PTPRK: variants seen among roughly 807,000 people sequenced by gnomAD.
PTPRK encodes receptor-type tyrosine-protein phosphatase kappa.
In PTPRK, 75 loss-of-function variants were observed where a neutral mutation model predicts 178.0. That is an observed-to-expected ratio of 0.42 (90% CI 0.35 to 0.51). PTPRK has a LOEUF of 0.51. Among genes scored for constraint, PTPRK ranks in the 20% least tolerant of loss-of-function variants. The pLI is 0.02. For missense variants in PTPRK, 1,441 were observed against 1,797.8 expected (o/e 0.80, Z 3.59); for synonymous variants, 637 against 620.6 (o/e 1.03, Z -0.39).
chr6:127,971,074 G>A (rs761412594), intron 29 of PTPRK, among the ~76,000 whole-genome samples: 22 of 152,084 alleles, frequency 1.4e-4, no homozygotes, highest in Non-Finnish European at 2.8e-4. Context: ...AATGGTTAGT[G>A]ATCCTTAAAT....
chr6:128,485,167 G>C (rs1400262926), intron 1 of PTPRK, among the ~76,000 whole-genome samples: 1 of 152,174 alleles, frequency 6.6e-6, no homozygotes, highest in Non-Finnish European at 1.5e-5. Context: ...CTACAAAAAT[G>C]TTAACCTATG....
chr6:128,261,021 T>C (rs1562149646), intron 3 of PTPRK, among the ~76,000 whole-genome samples: 1 of 152,166 alleles, frequency 6.6e-6, no homozygotes, highest in South Asian at 2.1e-4. Context: ...TGAGCTTATA[T>C]AGCAATAGTT....
chr6:128,410,404 A>T (rs147144638), intron 1 of PTPRK, among the ~76,000 whole-genome samples: 57 of 152,342 alleles, frequency 3.7e-4, no homozygotes, highest in African/African-American at 1.3e-3. Context: ...TATAAAAAGG[A>T]TTGACTATGT....
At chr6:127,972,448 T>C (rs922045144) in intron 29 of PTPRK, among the ~76,000 whole-genome samples, 1 of 152,104 alleles carries the variant, frequency 6.6e-6, no homozygotes, top group Non-Finnish European at 1.5e-5. Flanking sequence ...CACACACACA[T>C]ACCTATCAGC....
At chr6:128,293,819 T>C (rs1823805551) in intron 3 of PTPRK, among the ~76,000 whole-genome samples, 1 of 152,120 alleles carries the variant, frequency 6.6e-6, no homozygotes, top group Non-Finnish European at 1.5e-5. Flanking sequence ...TTCAAACTTG[T>C]TTTGCAATTC....
chr6:128,429,939 A>G (rs1043552023), intron 1 of PTPRK, among the ~76,000 whole-genome samples: 1 of 152,204 alleles, frequency 6.6e-6, no homozygotes, highest in African/African-American at 2.4e-5. Context: ...TTTTGAATTC[A>G]CTTATTAGGT....
intron 1 of PTPRK, among the ~76,000 whole-genome samples, chr6:128,493,451 G>A (rs1004445521): frequency 7.3e-5 from 11 of 151,618 alleles, no homozygotes; most frequent in Admixed American, 5.9e-4. Context: ...AGTCCCAGCT[G>A]CTTGGGAGGC....
At chr6:128,139,556 A>C (rs1795478647) in intron 7 of PTPRK, among the ~76,000 whole-genome samples, 1 of 152,182 alleles carries the variant, frequency 6.6e-6, no homozygotes, top group Admixed American at 6.6e-5. Flanking sequence ...GAATGATCAG[A>C]GTTCCTTTTA....
At chr6:128,121,737 T>C (rs1792503815) in intron 7 of PTPRK, among the ~76,000 whole-genome samples, 1 of 152,074 alleles carries the variant, frequency 6.6e-6, no homozygotes. Flanking sequence ...GTTGAGTGAA[T>C]TTTAAATGTC....
chr6:128,437,963 T>C (rs916128334), intron 1 of PTPRK, among the ~76,000 whole-genome samples: 1 of 152,224 alleles, frequency 6.6e-6, no homozygotes, highest in Non-Finnish European at 1.5e-5. Context: ...AATCCGTGCA[T>C]ACTAAAGTCC....
rs143898604 is a variant in PTPRK at position 127,991,773 on chromosome 6, A to G, written c.2882-382T>C. ...CCAATTAAATAAGTGCCCACTATTTATAAATAGTGCATGTTTAGGGATCAA... is the reference window on the plus strand; with the variant it reads ...CCAATTAAATAAGTGCCCACTATTTGTAAATAGTGCATGTTTAGGGATCAA... On this transcript the variant is annotated intron_variant, in intron 19 of 29. Transcript: ENST00000368226. 8.2e-4 allele frequency among the ~76,000 whole-genome samples: 125 copies of G among 151,896 alleles called. 2 individuals carry two copies. The highest frequency in any genetic ancestry group is 3.0e-3 in the African/African-American group (123 of 41,514).
At chr6:128,451,331 CAG>C (rs1207244209) in intron 1 of PTPRK, among the ~76,000 whole-genome samples, 1 of 152,118 alleles carries the variant, frequency 6.6e-6, no homozygotes, top group African/African-American at 2.4e-5. Context: ...TTTAACAAAA[CAG>C]AGTATAAATT....
At chr6:128,359,769 T>TAATAA (rs1016224323) in intron 2 of PTPRK, among the ~76,000 whole-genome samples, 9 of 151,298 alleles carry the variant, frequency 5.9e-5, no homozygotes, top group Admixed American at 6.6e-5. Context: ...AAAAAAAAAA[T>TAATAA]AATAAAATAA....
chr6:128,325,933 T>C (rs1829489620), intron 2 of PTPRK, among the ~76,000 whole-genome samples: 1 of 152,110 alleles, frequency 6.6e-6, no homozygotes, highest in Non-Finnish European at 1.5e-5. Flanking sequence ...TGTCCATCAA[T>C]GGTAGACTGG....
intron 7 of PTPRK, among the ~76,000 whole-genome samples, chr6:128,147,699 A>ACCC (rs1318618862): frequency 1.3e-5 from 2 of 152,142 alleles, no homozygotes; most frequent in Non-Finnish European, 2.9e-5. Flanking sequence ...ACAAGTACAT[A>ACCC]TGAGGATACC....
At chr6:128,075,653 C>A (rs189368575) in intron 11 of PTPRK, among the ~76,000 whole-genome samples, 2 of 152,148 alleles carry the variant, frequency 1.3e-5, no homozygotes, top group East Asian at 3.9e-4. Context: ...AAGTATGCAG[C>A]TCAGCTCTTG....
At chr6:128,473,946 A>G (rs1303222776) in intron 1 of PTPRK, among the ~76,000 whole-genome samples, 2 of 152,112 alleles carry the variant, frequency 1.3e-5, no homozygotes, top group Non-Finnish European at 2.9e-5. Flanking sequence ...ATTTTGTATA[A>G]TCTGAATTTT....
chr6:128,093,596 C>CAAA lies in PTPRK; in HGVS notation c.1163-3607_1163-3605dup, dbSNP rs1172145765. The stretch of plus-strand genomic sequence containing the variant: ...GGTGACAGAGCAAGAGACTCTCTCT[C>CAAA]AAAAAAAAAAAAAAAAAAAAAAAAA... On this transcript the variant is annotated intron_variant, in intron 7 of 29. Transcript: ENST00000368226. Among the ~76,000 whole-genome samples the CAAA allele has an allele frequency of 0.011, 66 of 6,274 alleles. 14 individuals carry two copies. In the East Asian group the frequency reaches 0.11, roughly 10 times the overall value. The allele number at this position is 6,274 out of a possible 152,430, so 4.1% of individuals were successfully genotyped here.
intron 7 of PTPRK, among the ~76,000 whole-genome samples, chr6:128,152,200 CA>C: frequency 6.6e-6 from 1 of 152,038 alleles, no homozygotes; most frequent in South Asian, 2.1e-4. Flanking sequence ...TCACTAAAAT[CA>C]AAGGGAAGAT....
Sources: allele counts gnomAD v4.1 joint callset (sites outside exome capture counted in the v4.1 genomes callset), GRCh38; gene constraint gnomAD v4.1.1; transcripts MANE v1.5; gene names NCBI Gene and HGNC (gene_info 2026-07-23, HGNC 2026-07-21).